BCL9: variants seen among roughly 807,000 people sequenced by gnomAD.
The protein encoded by BCL9 is BCL9 transcription coactivator, also known as B-cell CLL/lymphoma 9 protein.
Under a neutral mutation model 88.5 loss-of-function variants are expected in BCL9, and 25 were observed. That is an observed-to-expected ratio of 0.28 (90% confidence interval 0.21 to 0.39). BCL9 has a LOEUF of 0.39. BCL9 is among the 10% of genes least tolerant of loss of function. The pLI is 1.00. For missense variants in BCL9, 1,817 were observed against 1,877.8 expected, an observed-to-expected ratio of 0.97 and a Z score of 0.60; for synonymous variants, 711 against 673.3, an observed-to-expected ratio of 1.06 and a Z score of -0.87.
Position 147,619,629 on chromosome 1 carries a change from G to T in BCL9, c.1474G>T (p.Val492Phe). 1 of 1,614,154 alleles carries T rather than the reference G, an allele frequency of 6.2e-7. No homozygotes were observed. Among genetic ancestry groups the T allele is most frequent in the Non-Finnish European group, 8.5e-7 (1 of 1,180,024 alleles). Residue 492 changes from valine to phenylalanine, a missense_variant, in exon 8 of 10, where the codon GTC (valine) becomes TTC (phenylalanine). Physicochemically the swap from Val to Phe is conservative, Grantham distance 50 (BLOSUM62 -1). Around this residue, in one of 2 missense-constraint regions of BCL9, gnomAD observed 1,228 missense variants for 1,191.6 expected, o/e 1.03. Transcript: ENST00000234739. The surrounding 1 kb of genome is among the most constrained non-coding windows in gnomAD (Gnocchi z 4.1). ...GAGGAGGAAGCAGGAACAAGTGGTTGTCCAGCAGTGTTCCCTCCAGGACAT... is the reference window on the plus strand; with the variant it reads ...GAGGAGGAAGCAGGAACAAGTGGTTTTCCAGCAGTGTTCCCTCCAGGACAT... ...EKRRKQEQVV[V>F]QQCSLQDMMV...
At chr1:147,598,160 C>G (rs1360121840) in intron 1 of BCL9, among the ~76,000 whole-genome samples, 7 of 152,186 alleles carry the variant, frequency 4.6e-5, no homozygotes, top group Non-Finnish European at 1.0e-4. Context: ...AAGAAAAGTC[C>G]GTAAGTCCAT....
intron 1 of BCL9, among the ~76,000 whole-genome samples, chr1:147,552,646 T>G (rs1243035058): frequency 1.3e-5 from 2 of 152,160 alleles, no homozygotes; most frequent in Non-Finnish European, 2.9e-5. Context: ...GATTAACAGA[T>G]AATAATGCTT....
At position 147,618,996 on chromosome 1, in the gene BCL9, G is replaced by C; in HGVS notation, c.841G>C (p.Val281Leu). The C allele has an allele frequency of 1.2e-6, 2 of 1,611,828 alleles. No individual in the cohort carries two copies. Among genetic ancestry groups the C allele is most frequent in the East Asian group, 4.5e-5 (2 of 44,860 alleles). The part of the protein sequence containing the change: ...PRPLDRESPG[V>L]ENKLIPSVGS... ...TCCCCTGGACCGGGAGAGTCCTGGG[G>C]TAGAAAACAAACTGATTCCTTCTGT... The change falls in exon 8 of 10, where the codon GTA becomes CTA. Residue 281 changes from valine (V) to leucine (L), a missense_variant. Around this residue, in one of 2 missense-constraint regions of BCL9, gnomAD observed 1,228 missense variants for 1,191.6 expected, o/e 1.03. Coordinates refer to ENST00000234739, the MANE Select transcript of BCL9 (RefSeq NM_004326.4).
rs1658179779 is a variant in BCL9, at chr1:147,614,620, A to C, written c.560+4A>C. 1 of 1,606,166 alleles carries C rather than the reference A, an allele frequency of 6.2e-7. No individual in the cohort carries two copies. Among genetic ancestry groups the C allele is most frequent in the Non-Finnish European group, 8.5e-7 (1 of 1,175,326 alleles). ...TTTCTACTGAGATGGCCAATAAGTA[A>C]GTTGATGGCTGTGTCTTGCTGTTGG... On this transcript the variant is annotated splice_donor_region_variant and intron_variant, in intron 6 of 9. Coordinates refer to ENST00000234739, the MANE Select transcript of BCL9 (RefSeq NM_004326.4).
intron 1 of BCL9, among the ~76,000 whole-genome samples, chr1:147,547,544 C>T (rs1486024880): frequency 6.6e-6 from 1 of 152,106 alleles, no homozygotes; most frequent in Non-Finnish European, 1.5e-5. Context: ...TACGTTTTCT[C>T]ATCTGGAAAA....
At chr1:147,623,568 G>A (rs1658761230) in intron 9 of BCL9, among the ~76,000 whole-genome samples, 2 of 152,166 alleles carry the variant, frequency 1.3e-5, no homozygotes, top group African/African-American at 2.4e-5. Flanking sequence ...ACTCATTTGT[G>A]TGCTAATTTA....
rs1553203746 is a variant in BCL9 at position 147,615,855 on chromosome 1, A to G, written c.613A>G (p.Ile205Val). The G allele has an allele frequency of 1.2e-6, 2 of 1,614,228 alleles. No homozygotes were observed. Among genetic ancestry groups the G allele is most frequent in the Non-Finnish European group, 1.7e-6 (2 of 1,180,038 alleles). The change falls in exon 7 of 10, where the codon ATC becomes GTC. Residue 205 changes from isoleucine (I) to valine (V), a missense_variant. Around this residue, in one of 2 missense-constraint regions of BCL9, gnomAD observed 1,228 missense variants for 1,191.6 expected, o/e 1.03. Coordinates refer to ENST00000234739, the MANE Select transcript of BCL9 (RefSeq NM_004326.4). ...GQVETIVSFH[I>V]QNISNNKTER... Reference sequence around the variant, plus strand: ...GGTTGAAACTATCGTCTCTTTCCACATCCAGAACATTTCTAACAACAAGAC... The same window carrying G: ...GGTTGAAACTATCGTCTCTTTCCACGTCCAGAACATTTCTAACAACAAGAC...
chr1:147,559,900 G>A (rs1201660870), intron 1 of BCL9, among the ~76,000 whole-genome samples: 1 of 152,176 alleles, frequency 6.6e-6, no homozygotes, highest in African/African-American at 2.4e-5. Context: ...CTGAAGGCCA[G>A]GAACTAAGAC....
intron 1 of BCL9, among the ~76,000 whole-genome samples, chr1:147,580,517 C>T (rs1553198504): frequency 6.6e-6 from 1 of 152,160 alleles, no homozygotes. Context: ...TCTAGAAAAG[C>T]ATCGTGCACA....
At position 147,616,013 on chromosome 1, in the gene BCL9, A is replaced by C. The variant is rs143302078; in HGVS notation, c.660+111A>C. 10 of 1,027,020 alleles carry C rather than the reference A, an allele frequency of 9.7e-6. No homozygotes were observed. The South Asian group carries it at 1.5e-4, about 15-fold the overall frequency. The allele number at this position is 1,027,020 out of a possible 1,614,324, so 63.6% of individuals were successfully genotyped here. Reference sequence around the variant, plus strand: ...AGGTAGTCTTGATGGCATGAGTTGCATTCTTGGCATTTAACCTAATTCTGG... The same window carrying C: ...AGGTAGTCTTGATGGCATGAGTTGCCTTCTTGGCATTTAACCTAATTCTGG... On this transcript the variant is annotated intron_variant, in intron 7 of 9. Coordinates refer to ENST00000234739, the MANE Select transcript of BCL9 (RefSeq NM_004326.4).
intron 1 of BCL9, among the ~76,000 whole-genome samples, chr1:147,549,562 G>T (rs958562345): frequency 3.3e-5 from 5 of 152,188 alleles, no homozygotes; most frequent in Non-Finnish European, 7.4e-5. Context: ...CCAGGAATCT[G>T]CAGTTGTGAC....
intron 1 of BCL9, among the ~76,000 whole-genome samples, chr1:147,555,937 G>A (rs1370152690): frequency 1.3e-5 from 2 of 152,092 alleles, no homozygotes; most frequent in African/African-American, 4.8e-5. Flanking sequence ...ATTAAATTAT[G>A]TAATTACAAT....
intron 1 of BCL9, among the ~76,000 whole-genome samples, chr1:147,544,033 C>A (rs782732163): frequency 6.6e-6 from 1 of 152,252 alleles, no homozygotes; most frequent in South Asian, 2.1e-4. Flanking sequence ...TTTGTTCATT[C>A]AACTTATATT....
Position 147,620,750 on chromosome 1 carries a change from T to C in BCL9, c.2595T>C (p.Ser865=). Residue 865 remains serine, a synonymous_variant, in exon 8 of 10, where the codon TCT becomes TCC. Transcript: ENST00000234739. ...CCCCAGGCATTAACCCTCTGAAGTC[T>C]CCCACGATGCACCAAGTCCAGTCAC... The part of the protein sequence containing the change: ...VHSPGINPLK[S]PTMHQVQSPM... 1 of 1,614,050 alleles carries C rather than the reference T, an allele frequency of 6.2e-7. No individual in the cohort carries two copies. Among genetic ancestry groups the C allele is most frequent in the South Asian group, 1.1e-5 (1 of 91,078 alleles).
chr1:147,592,856 C>T (rs1376977023), intron 1 of BCL9, among the ~76,000 whole-genome samples: 1 of 152,098 alleles, frequency 6.6e-6, no homozygotes, highest in Non-Finnish European at 1.5e-5. Flanking sequence ...AGACAAATAC[C>T]TATTACCAGT....
chr1:147,558,489 C>A (rs587594875), intron 1 of BCL9, among the ~76,000 whole-genome samples: 40 of 152,274 alleles, frequency 2.6e-4, no homozygotes, highest in Non-Finnish European at 4.6e-4. Context: ...CTGGTCTCCT[C>A]TGGTGTCTGA....
intron 1 of BCL9, among the ~76,000 whole-genome samples, chr1:147,594,483 T>G (rs649001): frequency 6.6e-6 from 1 of 152,160 alleles, no homozygotes; most frequent in African/African-American, 2.4e-5. Context: ...GCTGAGTAGA[T>G]AGAAATGCAG....
intron 1 of BCL9, among the ~76,000 whole-genome samples, chr1:147,550,550 G>C (rs1211491193): frequency 6.6e-6 from 1 of 152,172 alleles, no homozygotes; most frequent in Admixed American, 6.5e-5. Flanking sequence ...AAGAATAGGT[G>C]AATAGTGAGA....
At chr1:147,587,200 C>T (rs1156337512) in intron 1 of BCL9, among the ~76,000 whole-genome samples, 2 of 152,120 alleles carry the variant, frequency 1.3e-5, no homozygotes, top group East Asian at 3.9e-4. Flanking sequence ...TCACTCCCTC[C>T]CCTGTGCTTC....
Sources: allele counts gnomAD v4.1 joint callset (sites outside exome capture counted in the v4.1 genomes callset), GRCh38; gene constraint gnomAD v4.1.1; regional missense constraint gnomAD v4.1.1; non-coding constraint Gnocchi (gnomAD v3.1); transcripts MANE v1.5; gene names NCBI Gene and HGNC (gene_info 2026-07-23, HGNC 2026-07-21).